The following SIPA1L2 variants were observed in gnomAD, a reference collection of about 807,000 sequenced individuals.
The protein encoded by SIPA1L2 is signal induced proliferation associated 1 like 2.
SIPA1L2 carries 56 observed loss-of-function variants against 163.9 expected under a neutral mutation model. That is an observed-to-expected ratio of 0.34 (90% CI 0.28 to 0.43). The LOEUF is 0.43. SIPA1L2 is among the 20% of genes least tolerant of loss of function. SIPA1L2 has a pLI of 1.00. For synonymous variants in SIPA1L2, 877 were observed against 865.7 expected, an observed-to-expected ratio of 1.01 and a Z score of -0.23; for missense variants, 1,974 against 2,193.5, an observed-to-expected ratio of 0.90 and a Z score of 2.00.
At chr1:232,489,069 T>C (rs1280397604) in intron 5 of SIPA1L2, among the ~76,000 whole-genome samples, 5 of 152,280 alleles carry the variant, frequency 3.3e-5, no homozygotes, top group South Asian at 4.2e-4. Flanking sequence ...CTGGGGAACA[T>C]GAACCATCTG....
At chr1:232,492,567 T>C (rs936791246) in intron 4 of SIPA1L2, among the ~76,000 whole-genome samples, 1 of 152,220 alleles carries the variant, frequency 6.6e-6, no homozygotes, top group Non-Finnish European at 1.5e-5. Context: ...ACATGTTGTA[T>C]AATTTATACA....
chr1:232,403,303 C>A (rs942064837), intron 21 of SIPA1L2, 145 bp downstream of exon 21: 5 of 1,078,558 alleles, frequency 4.6e-6, no homozygotes, highest in Non-Finnish European at 5.3e-6. Flanking sequence ...TAGTCCCACT[C>A]AGTCCCTTCT....
intron 10 of SIPA1L2, among the ~76,000 whole-genome samples, chr1:232,459,295 G>A (rs1275511349): frequency 6.6e-6 from 1 of 152,128 alleles, no homozygotes; most frequent in African/African-American, 2.4e-5. Flanking sequence ...AGCCACATGT[G>A]GTTTGTGGCT....
chr1:232,599,182 T>G (rs1368066240), intron 1 of SIPA1L2, among the ~76,000 whole-genome samples: 2 of 152,056 alleles, frequency 1.3e-5, no homozygotes, highest in Non-Finnish European at 2.9e-5. Flanking sequence ...AGGGCAGGGG[T>G]TCTGGATTCA....
chr1:232,498,250 G>A (rs925136508), intron 3 of SIPA1L2, among the ~76,000 whole-genome samples: 2 of 152,228 alleles, frequency 1.3e-5, no homozygotes, highest in Admixed American at 6.5e-5. Flanking sequence ...CAGGAATATC[G>A]AAATAAAAAC....
At chr1:232,540,155 T>G (rs1039584075) in intron 2 of SIPA1L2, among the ~76,000 whole-genome samples, 3 of 151,826 alleles carry the variant, frequency 2.0e-5, no homozygotes, top group African/African-American at 7.3e-5. Context: ...AATACAAAAT[T>G]TAGCCGGGCG....
chr1:232,469,483 T>G (rs1664692429), intron 8 of SIPA1L2, among the ~76,000 whole-genome samples: 1 of 152,220 alleles, frequency 6.6e-6, no homozygotes, highest in South Asian at 2.1e-4. Flanking sequence ...ACAGGATTAC[T>G]CAAGATTATT....
chr1:232,487,958 A>G (rs908957753), intron 5 of SIPA1L2, among the ~76,000 whole-genome samples: 1 of 150,174 alleles, frequency 6.7e-6, no homozygotes, highest in Non-Finnish European at 1.5e-5. Flanking sequence ...ACACACACGC[A>G]CACATATTTT....
intron 1 of SIPA1L2, among the ~76,000 whole-genome samples, chr1:232,606,027 A>T (rs571099924): frequency 5.9e-5 from 9 of 152,336 alleles, no homozygotes; most frequent in Non-Finnish European, 1.0e-4. Context: ...AAGTACATTA[A>T]CAACAAATAT....
chr1:232,453,729 C>T (rs1663721076), intron 10 of SIPA1L2, among the ~76,000 whole-genome samples: 1 of 147,726 alleles, frequency 6.8e-6, no homozygotes, highest in South Asian at 2.2e-4. Context: ...GTTCAGGGCT[C>T]TTCCTAAAAC....
intron 1 of SIPA1L2, among the ~76,000 whole-genome samples, chr1:232,582,673 G>A (rs1660444431): frequency 6.6e-6 from 1 of 152,152 alleles, no homozygotes; most frequent in Non-Finnish European, 1.5e-5. Context: ...TATATACCCA[G>A]TAATGGAATT....
At chr1:232,584,052 T>C (rs1660523785) in intron 1 of SIPA1L2, among the ~76,000 whole-genome samples, 1 of 151,110 alleles carries the variant, frequency 6.6e-6, no homozygotes, top group Admixed American at 6.6e-5. Context: ...CATAAAGAAA[T>C]TATCTGAACT....
rs1657577383 is a variant in SIPA1L2, at chr1:232,540,312, C to T, written c.-269-24704G>A. 3.3e-5 allele frequency among the ~76,000 whole-genome samples: 5 copies of T among 152,208 alleles called. No homozygotes were observed. In the South Asian group the frequency reaches 1.0e-3, roughly 32 times the overall value. ...AGAATGAAACTCCATCTCAAAACAA[C>T]AGCAACAACAAAAAAACTTCAACTA... On this transcript the variant is annotated intron_variant, in intron 2 of 22. Coordinates refer to ENST00000674635, the MANE Select transcript of SIPA1L2 (RefSeq NM_020808.5).
Position 232,425,762 on chromosome 1 carries a change from G to A in SIPA1L2, c.4457C>T (p.Thr1486Met), listed in dbSNP as rs768829377. ...GCTGCAGATGCTCTCGTCAGACAGC[G>A]TGCGGTAAAGCGACCTCCTTGGAGA... ...NLSPRRSLYR[T>M]LSDESICSNR... Residue 1486 changes from threonine to methionine, a missense_variant, in exon 18 of 23, where the codon ACG (threonine) becomes ATG (methionine). Thr to Met is a moderately conservative substitution (Grantham distance 81). Around this residue, in one of 3 missense-constraint regions of SIPA1L2, gnomAD observed 1,079 missense variants for 1,150.7 expected, o/e 0.94. Transcript: ENST00000674635. 8.1e-6 allele frequency: 13 copies of A among 1,613,998 alleles called. No individual in the cohort carries two copies. In the Admixed American group the frequency reaches 8.3e-5, roughly 10 times the overall value.
chr1:232,622,857 T>C (rs1322449605), intron 1 of SIPA1L2, among the ~76,000 whole-genome samples: 1 of 152,240 alleles, frequency 6.6e-6, no homozygotes. Flanking sequence ...CTCAACAGTA[T>C]TTAGTTCAAC....
intron 1 of SIPA1L2, among the ~76,000 whole-genome samples, chr1:232,575,047 A>G (rs1398197724): frequency 2.0e-5 from 3 of 152,206 alleles, no homozygotes; most frequent in African/African-American, 4.8e-5. Flanking sequence ...CTTTCAACAC[A>G]TCATTTTTTA....
intron 22 of SIPA1L2, 56 bp downstream of exon 22, chr1:232,402,336 T>C (rs1242887028): frequency 1.1e-5 from 16 of 1,519,286 alleles, no homozygotes; most frequent in East Asian, 2.3e-5. Context: ...GTAGTAGTTA[T>C]AAGGGGCTGA....
At chr1:232,399,985 G>C (rs986475817) in intron 22 of SIPA1L2, among the ~76,000 whole-genome samples, 1 of 152,102 alleles carries the variant, frequency 6.6e-6, no homozygotes, top group African/African-American at 2.4e-5. Context: ...CACTGTGCAG[G>C]AGCATTGAGT....
At chr1:232,415,053 T>G (rs1253327760) in intron 19 of SIPA1L2, among the ~76,000 whole-genome samples, 1 of 151,972 alleles carries the variant, frequency 6.6e-6, no homozygotes, top group Non-Finnish European at 1.5e-5. Flanking sequence ...CACGCTGGAG[T>G]CTGTGTTTAC....
Sources: allele counts gnomAD v4.1 joint callset (sites outside exome capture counted in the v4.1 genomes callset), GRCh38; gene constraint gnomAD v4.1.1; regional missense constraint gnomAD v4.1.1; transcripts MANE v1.5; gene names NCBI Gene and HGNC (gene_info 2026-07-23, HGNC 2026-07-21).